EVC2: variants seen among roughly 807,000 people sequenced by gnomAD.
EVC2 encodes the protein EvC ciliary complex subunit 2.
In EVC2, 148 loss-of-function variants were observed where a neutral mutation model predicts 149.3. That is an observed-to-expected ratio of 0.99 (90% confidence interval 0.87 to 1.14). The LOEUF (loss-of-function observed/expected upper bound fraction) is 1.14. Ranked by LOEUF, EVC2 falls within the 50% of genes most tolerant of loss-of-function variation. EVC2 has a pLI of 0.00. For missense variants in EVC2, 1,854 were observed against 1,627.3 expected (o/e 1.14, Z -2.40); for synonymous variants, 776 against 649.9 (o/e 1.19, Z -2.95).
At chr4:5,655,748 G>A (rs1268857257) in intron 9 of EVC2, among the ~76,000 whole-genome samples, 2 of 142,354 alleles carry the variant, frequency 1.4e-5, no homozygotes, top group East Asian at 4.8e-4. Context: ...AAAAATGGAA[G>A]GAAGAGAAGG....
chr4:5,708,558 T>G lies in EVC2; in HGVS notation c.-45A>C. On this transcript the variant is annotated 5_prime_UTR_variant, in exon 1 of 22. Transcript: ENST00000344408. ...CCTCAAAGCGGCGGGTGCCGCCGAGTCGCTGGAGCTTCCGGACCCCAGGCC... is the reference window on the plus strand; with the variant it reads ...CCTCAAAGCGGCGGGTGCCGCCGAGGCGCTGGAGCTTCCGGACCCCAGGCC... 7.5e-7 allele frequency: 1 copy of G among 1,327,584 alleles called. No individual in the cohort carries two copies. The highest frequency in any genetic ancestry group is 3.0e-5 in the East Asian group (1 of 32,844). 82.2% of individuals were successfully genotyped at this position (1,327,584 alleles called of 1,614,324 possible).
chr4:5,630,589 T>C (rs903658621), intron 11 of EVC2, among the ~76,000 whole-genome samples: 1 of 152,014 alleles, frequency 6.6e-6, no homozygotes, highest in Non-Finnish European at 1.5e-5. Flanking sequence ...AAGATAAAAA[T>C]GAAATAGCAG....
chr4:5,564,854 GT>G (rs917364275), intron 21 of EVC2, among the ~76,000 whole-genome samples: 6 of 152,160 alleles, frequency 3.9e-5, no homozygotes, highest in Non-Finnish European at 5.9e-5. Flanking sequence ...CATGACCACT[GT>G]TTACCAGCTG....
At chr4:5,529,815 G>GTTTTTT in the EVC2 span, among the ~76,000 whole-genome samples, 1 of 132,088 alleles carries the variant, frequency 7.6e-6, no homozygotes, top group African/African-American at 2.8e-5. The surrounding 1 kb of genome is among the most constrained non-coding windows in gnomAD (Gnocchi z 4.5). Flanking sequence ...AGTTATTTAG[G>GTTTTTT]TTTTTTTTTT....
intron 12 of EVC2, among the ~76,000 whole-genome samples, chr4:5,627,872 G>A (rs761152160): frequency 2.0e-5 from 3 of 152,088 alleles, no homozygotes; most frequent in Non-Finnish European, 4.4e-5. Context: ...CCATCACATG[G>A]TCCATGTGAG....
At chr4:5,697,053 T>C (rs148499075) in intron 2 of EVC2, among the ~76,000 whole-genome samples, 141 of 152,336 alleles carry the variant, frequency 9.3e-4, no homozygotes, top group African/African-American at 3.3e-3. Context: ...GATGCCATGC[T>C]GCTAGCTTCC....
rs754435299 is a variant in EVC2, at chr4:5,694,356, C to T, written c.429G>A (p.Glu143=). ...SWPKKNLFKR[E]SPITHRLYGD... ...TTACCAGGCGGTGTGTTATAGGAGA[C>T]TCTCTTTTAAATAAGTTCTTCTTAG... The change falls in exon 3 of 22, where the codon GAG becomes GAA. Residue 143 remains glutamate, a synonymous_variant. Coordinates refer to ENST00000344408, the MANE Select transcript of EVC2 (RefSeq NM_147127.5). 36 of 1,613,956 alleles carry T rather than the reference C, an allele frequency of 2.2e-5. No individual in the cohort carries two copies. Among genetic ancestry groups the T allele is most frequent in the Non-Finnish European group, 2.9e-5 (34 of 1,179,990 alleles).
exon 23 of EVC2, chr4:5,542,849 C>G: frequency 3.3e-6 from 1 of 302,426 alleles, no homozygotes; most frequent in Non-Finnish European, 6.5e-6. Context: ...AGTGTGCCCA[C>G]AGCTGGGCTC....
rs531045213 is a variant in EVC2 at position 5,625,999 on chromosome 4, A to C, written c.1887-91T>G. On this transcript the variant is annotated intron_variant, in intron 12 of 21. Transcript: ENST00000344408. The surrounding 1 kb of genome is among the most constrained non-coding windows in gnomAD (Gnocchi z 4.0). Reference sequence around the variant, plus strand: ...GTGCCTGAACATTCATCTCCATATTAGTTTGGTTTGAATCAGAAAATCTTT... The same window carrying C: ...GTGCCTGAACATTCATCTCCATATTCGTTTGGTTTGAATCAGAAAATCTTT... 68 of 1,519,130 alleles carry C rather than the reference A, an allele frequency of 4.5e-5. 1 individual carries two copies. The South Asian group carries it at 6.7e-4, about 15-fold the overall frequency. 94.1% of individuals were successfully genotyped at this position (1,519,130 alleles called of 1,614,324 possible). A position where few individuals can be genotyped will look rare whatever the true frequency, so the allele number is the denominator to read the frequency against.
chr4:5,679,091 T>C lies in EVC2; in HGVS notation c.870+2169A>G, dbSNP rs1720174144. Among the ~76,000 whole-genome samples the C allele has an allele frequency of 6.6e-6, 1 of 151,706 alleles. No individual in the cohort carries two copies. Among genetic ancestry groups the C allele is most frequent in the Non-Finnish European group, 1.5e-5 (1 of 67,922 alleles). On this transcript the variant is annotated intron_variant, in intron 7 of 21. Coordinates refer to ENST00000344408, the MANE Select transcript of EVC2 (RefSeq NM_147127.5). The surrounding 1 kb of genome is among the most constrained non-coding windows in gnomAD (Gnocchi z 5.1). Reference sequence around the variant, plus strand: ...AGACAAAAAAAAAAATACACTCGTATAGGAAATGTATCATAACTCGAGCTT... The same window carrying C: ...AGACAAAAAAAAAAATACACTCGTACAGGAAATGTATCATAACTCGAGCTT...
chr4:5,593,109 T>C (rs1712984164), intron 16 of EVC2, among the ~76,000 whole-genome samples: 1 of 152,174 alleles, frequency 6.6e-6, no homozygotes, highest in African/African-American at 2.4e-5. Context: ...GATTGTAAGT[T>C]TCTTGAGGTC....
intron 20 of EVC2, among the ~76,000 whole-genome samples, chr4:5,568,225 T>C (rs1480877426): frequency 1.5e-5 from 2 of 137,494 alleles, no homozygotes; most frequent in Admixed American, 7.5e-5. Flanking sequence ...TCTTCCTCTT[T>C]TTATGCATTT....
intron 6 of EVC2, among the ~76,000 whole-genome samples, chr4:5,682,212 C>CG (rs912126745): frequency 1.3e-5 from 2 of 152,032 alleles, no homozygotes; most frequent in Admixed American, 6.6e-5. Context: ...AATAGCAGGC[C>CG]GGGGGCGGTG....
At chr4:5,646,251 A>G (rs1180602309) in intron 9 of EVC2, among the ~76,000 whole-genome samples, 1 of 152,058 alleles carries the variant, frequency 6.6e-6, no homozygotes, top group African/African-American at 2.4e-5. Context: ...TTTTTTAGTA[A>G]TAGCCATTCT....
chr4:5,537,467 C>G, the EVC2 span, among the ~76,000 whole-genome samples: 3,289 of 152,254 alleles, frequency 0.022, 61 homozygotes, highest in Middle Eastern at 0.044. Flanking sequence ...AGTCAGGGGT[C>G]ATTTGGTAGA....
chr4:5,578,133 T>A (rs530282434), intron 17 of EVC2, among the ~76,000 whole-genome samples: 1 of 152,306 alleles, frequency 6.6e-6, no homozygotes, highest in African/African-American at 2.4e-5. Flanking sequence ...ACAACTTGAA[T>A]CCAAAACTTG....
At chr4:5,656,799 T>C (rs541332387) in intron 9 of EVC2, among the ~76,000 whole-genome samples, 15 of 152,080 alleles carry the variant, frequency 9.9e-5, no homozygotes, top group Non-Finnish European at 1.8e-4. Flanking sequence ...ACACGGTGAG[T>C]TTCTGTTGCA....
At chr4:5,560,316 C>T (rs1213669145), downstream of EVC2, among the ~76,000 whole-genome samples, 1 of 152,112 alleles carries the variant, frequency 6.6e-6, no homozygotes, top group East Asian at 1.9e-4. This position sits in a 1 kb window ranked among gnomAD's most constrained non-coding sequence, Gnocchi z 4.1. Flanking sequence ...TAAGGAAATA[C>T]ATGAGACTGG....
At chr4:5,605,604 T>C (rs1714332122) in intron 16 of EVC2, among the ~76,000 whole-genome samples, 1 of 152,198 alleles carries the variant, frequency 6.6e-6, no homozygotes, top group African/African-American at 2.4e-5. Flanking sequence ...CCAATCTACT[T>C]TGTGGAATCG....
Sources: gnomAD v4.1 joint callset for allele counts (sites outside exome capture counted in the v4.1 genomes callset) on GRCh38, gnomAD v4.1.1 for gene constraint, Gnocchi (gnomAD v3.1) non-coding constraint, MANE v1.5 for transcripts, NCBI Gene and HGNC (gene_info 2026-07-23, HGNC 2026-07-21) for gene names.